Variants in PRKDC observed in about 807,000 individuals in gnomAD.
The protein encoded by PRKDC is DNA-dependent protein kinase catalytic subunit.
In PRKDC, 82 loss-of-function variants were observed where a neutral mutation model predicts 486.9. The observed-to-expected ratio is 0.17, with a 90% CI of 0.14 to 0.20. PRKDC has a LOEUF of 0.20. Among genes scored for constraint, PRKDC ranks in the 10% least tolerant of loss-of-function variants. PRKDC has a pLI of 1.00. For synonymous variants in PRKDC, 1,895 were observed against 1,837.0 expected (o/e 1.03, Z -0.81); for missense variants, 4,504 against 5,038.2 (o/e 0.89, Z 3.21).
chr8:47,861,379 T>A (rs1464195292), intron 44 of PRKDC, among the ~76,000 whole-genome samples: 1 of 152,232 alleles, frequency 6.6e-6, no homozygotes, highest in Non-Finnish European at 1.5e-5. Flanking sequence ...CTTAATAAAC[T>A]GGTGCTAATT....
intron 50 of PRKDC, 141 bp downstream of exon 50, chr8:47,855,081 G>A (rs2088502857): frequency 5.6e-6 from 5 of 900,432 alleles, no homozygotes; most frequent in Non-Finnish European, 6.4e-6. Flanking sequence ...CACTCTGGAG[G>A]CTGTGGTTTT....
At chr8:47,779,156 C>A in intron 80 of PRKDC, 63 bp from the exon 81 acceptor site, 1 of 1,162,504 alleles carries the variant, frequency 8.6e-7, no homozygotes, top group South Asian at 1.5e-5. Flanking sequence ...ATTTCAAAGG[C>A]AAAGATCACC....
chr8:47,821,907 G>A (rs760769148), intron 64 of PRKDC, 115 bp from the exon 65 acceptor site: 9 of 981,788 alleles, frequency 9.2e-6, no homozygotes, highest in African/African-American at 3.4e-5. Flanking sequence ...TCAGATTTAC[G>A]GAAAGGAGAG....
At chr8:47,858,754 T>C in intron 47 of PRKDC, 95 bp downstream of exon 47, 1 of 1,487,816 alleles carries the variant, frequency 6.7e-7, no homozygotes, top group Non-Finnish European at 8.9e-7. Flanking sequence ...ATTTATTTGA[T>C]AAGCAGTTTG....
rs1367881845 is a variant in PRKDC, at chr8:47,887,694, C to T, written c.4425G>A (p.Leu1475=). 3.1e-6 allele frequency: 5 copies of T among 1,607,404 alleles called. No individual in the cohort carries two copies. Among genetic ancestry groups the T allele is most frequent in the South Asian group, 1.1e-5 (1 of 89,092 alleles). ...HNILPSQSTD[L]HHSVGTELLS... ...GAAGTTCTGTGCCAACAGAATGATG[C>T]AAATCTGTGGACTAAAAGGAAGCCA... Residue 1475 remains leucine (L), a synonymous_variant, in exon 35 of 86, where the codon TTG becomes TTA. Coordinates refer to ENST00000314191, the MANE Select transcript of PRKDC (RefSeq NM_006904.7).
intron 39 of PRKDC, 101 bp from the exon 40 acceptor site, chr8:47,877,952 A>T: frequency 1.2e-6 from 1 of 852,238 alleles, no homozygotes; most frequent in Non-Finnish European, 1.6e-6. Context: ...CTTATATAAT[A>T]AAAAATATAA....
chr8:47,819,317 C>T (rs1418976888), intron 67 of PRKDC, 85 bp downstream of exon 67: 4 of 826,034 alleles, frequency 4.8e-6, no homozygotes, highest in South Asian at 3.5e-5. Context: ...AAGAAACATG[C>T]ACTTTCACTA....
At chr8:47,869,406 T>C (rs990935343) in intron 40 of PRKDC, among the ~76,000 whole-genome samples, 1 of 151,622 alleles carries the variant, frequency 6.6e-6, no homozygotes, top group Admixed American at 6.6e-5. Context: ...ACGACATTTT[T>C]AGACACACTC....
rs1340117021 is a variant in PRKDC, at chr8:47,936,585, T to C, written c.1114-68A>G. 6 of 1,545,260 alleles carry C rather than the reference T, an allele frequency of 3.9e-6. No individual in the cohort carries two copies. In the African/African-American group the frequency reaches 5.5e-5, roughly 14 times the overall value. ...GATCAAAATAATATTTAAGGTGTCA[T>C]GTTAAGCCATGTGATTATAAACACA... is the stretch of plus-strand genomic sequence containing the variant. On this transcript the variant is annotated intron_variant, in intron 11 of 85. Coordinates refer to ENST00000314191, the MANE Select transcript of PRKDC (RefSeq NM_006904.7).
chr8:47,952,259 T>TAC (rs1479675276), intron 7 of PRKDC, among the ~76,000 whole-genome samples: 7 of 151,672 alleles, frequency 4.6e-5, no homozygotes, highest in Non-Finnish European at 1.0e-4. Flanking sequence ...ATGCAGTAAA[T>TAC]ACACACAGGA....
chr8:47,867,853 T>C (rs2088853166), intron 40 of PRKDC, among the ~76,000 whole-genome samples: 1 of 152,242 alleles, frequency 6.6e-6, no homozygotes, highest in African/African-American at 2.4e-5. Flanking sequence ...ACATATTTTG[T>C]TGGCTATTGG....
intron 25 of PRKDC, among the ~76,000 whole-genome samples, chr8:47,905,809 G>A (rs764794475): frequency 6.6e-6 from 1 of 152,052 alleles, no homozygotes; most frequent in Non-Finnish European, 1.5e-5. Context: ...GCCTCTCCAG[G>A]GGCCAGGTAG....
At chr8:47,937,769 T>C (rs780295099) in intron 11 of PRKDC, among the ~76,000 whole-genome samples, 32 of 152,180 alleles carry the variant, frequency 2.1e-4, no homozygotes, top group South Asian at 2.1e-4. Context: ...CTGTTTCTTC[T>C]GCCCTAAGCA....
chr8:47,825,380 G>A (rs112914460), intron 63 of PRKDC, among the ~76,000 whole-genome samples: 7,376 of 151,912 alleles, frequency 0.049, 203 homozygotes, highest in Middle Eastern at 0.068. Context: ...GTGGTGGCAG[G>A]TGCCTGTAAT....
Position 47,857,318 on chromosome 8 carries a change from G to A in PRKDC, c.6466-19C>T. The A allele has an allele frequency of 5.0e-6, 8 of 1,592,624 alleles. No individual in the cohort carries two copies. Among genetic ancestry groups the A allele is most frequent in the Non-Finnish European group, 6.8e-6 (8 of 1,171,228 alleles). Reference sequence around the variant, plus strand: ...GAAAGACCTACAAGAGGATGTAAAAGTCAAACATCAAAGAATGGTCTTAAA... The same window carrying A: ...GAAAGACCTACAAGAGGATGTAAAAATCAAACATCAAAGAATGGTCTTAAA... On this transcript the variant is annotated intron_variant, in intron 48 of 85. Coordinates refer to ENST00000314191, the MANE Select transcript of PRKDC (RefSeq NM_006904.7).
rs775352831 is a variant in PRKDC, at chr8:47,828,253, T to C, written c.8492A>G (p.Asn2831Ser). 1.9e-6 allele frequency: 3 copies of C among 1,613,604 alleles called. No homozygotes were observed. The highest frequency in any genetic ancestry group is 2.2e-5 in the East Asian group (1 of 44,860). ...GTCTTGAAGCAACTTTTGAGTGATG[T>C]TGTTTTTTTCAGACAGTGTCTTAAA... The part of the protein sequence containing the change: ...DKFKTLSEKN[N>S]ITQKLLQDFN... Residue 2831 changes from asparagine to serine, a missense_variant, in exon 62 of 86, where the codon AAC becomes AGC. By Grantham distance (46) the Asn-to-Ser change is conservative. Around this residue, in one of 6 missense-constraint regions of PRKDC, gnomAD observed 1,592 missense variants for 1,724.6 expected, o/e 0.92. Transcript: ENST00000314191.
In PRKDC at chr8:47,858,569, C is replaced by A; in HGVS notation, c.6412G>T (p.Val2138Leu). ...FLHGKLGNPI[V>L]PLNIRLFLAK... ...AAGAAGAGACGGATATTTAATGGTA[C>A]TATTGGATTTCCCAGTTTGCCATGG... The change falls in exon 48 of 86, where the codon GTA becomes TTA. Residue 2138 changes from valine (V) to leucine (L), a missense_variant. Val to Leu is a conservative substitution (Grantham distance 32, BLOSUM62 1). Transcript: ENST00000314191. The A allele has an allele frequency of 6.4e-7, 1 of 1,556,622 alleles. No homozygotes were observed. Among genetic ancestry groups the A allele is most frequent in the South Asian group, 1.2e-5 (1 of 82,990 alleles).
At chr8:47,899,296 G>C (rs2089638008) in intron 28 of PRKDC, among the ~76,000 whole-genome samples, 1 of 152,144 alleles carries the variant, frequency 6.6e-6, no homozygotes, top group Admixed American at 6.5e-5. Flanking sequence ...ACACATTTTT[G>C]CCCACAGTAG....
chr8:47,849,083 T>A lies in PRKDC; in HGVS notation c.7280+71A>T. On this transcript the variant is annotated intron_variant, in intron 54 of 85. Transcript: ENST00000314191. ...TGGAAACCCACAGGTTCTTCTTGAG[T>A]TGGAGACGTCTTAATAAATTAACGC... The A allele has an allele frequency of 2.6e-6, 4 of 1,540,814 alleles. No homozygotes were observed. The South Asian group carries it at 4.9e-5, about 19-fold the overall frequency.
Sources: allele counts gnomAD v4.1 joint callset (sites outside exome capture counted in the v4.1 genomes callset), GRCh38; gene constraint gnomAD v4.1.1; regional missense constraint gnomAD v4.1.1; transcripts MANE v1.5; gene names NCBI Gene and HGNC (gene_info 2026-07-23, HGNC 2026-07-21).